Variants in AGO2 observed in about 807,000 individuals in gnomAD.
AGO2 encodes argonaute RISC catalytic component 2, also known as protein argonaute-2.
A neutral mutation model predicts 102.3 loss-of-function variants in AGO2; 5 were observed. The observed-to-expected ratio is 0.05, with a 90% CI of 0.03 to 0.10. The LOEUF (loss-of-function observed/expected upper bound fraction) is 0.10. AGO2 is among the 10% of genes least tolerant of loss of function. The pLI is 1.00. For synonymous variants in AGO2, 449 were observed against 473.1 expected, an observed-to-expected ratio of 0.95 and a Z score of 0.66; for missense variants, 541 against 1,183.7, an observed-to-expected ratio of 0.46 and a Z score of 7.97.
intron 17 of AGO2, 99 bp downstream of exon 17, chr8:140,535,369 C>G: frequency 7.6e-7 from 1 of 1,309,842 alleles, no homozygotes; most frequent in South Asian, 1.2e-5. Context: ...GCCCCTCACA[C>G]CACATCCCAC....
In AGO2 at chr8:140,520,223, T is replaced by C. The variant is rs1453950441; in HGVS notation, c.*11821A>G. 6.6e-6 allele frequency: 1 copy of C among 152,200 alleles called. No homozygotes were observed. The highest frequency in any genetic ancestry group is 6.5e-5 in the Admixed American group (1 of 15,286). 9.4% of individuals were successfully genotyped at this position (152,200 alleles called of 1,614,324 possible). Reference sequence around the variant, plus strand: ...ATGAGGCAAAACAAAATTGACACCATACAAAATAACTTTATAAAATATCAT... The same window carrying C: ...ATGAGGCAAAACAAAATTGACACCACACAAAATAACTTTATAAAATATCAT... On this transcript the variant is annotated 3_prime_UTR_variant, in exon 19 of 19. Transcript: ENST00000220592.
At chr8:140,629,091 A>C (rs2074309961) in intron 1 of AGO2, among the ~76,000 whole-genome samples, 1 of 152,072 alleles carries the variant, frequency 6.6e-6, no homozygotes, top group African/African-American at 2.4e-5. Flanking sequence ...ACTCTGTCTC[A>C]AAATAAATAA....
upstream of AGO2, chr8:140,636,777 T>C (rs868602204): frequency 6.6e-6 from 1 of 152,322 alleles, no homozygotes; most frequent in Middle Eastern, 3.4e-3. Flanking sequence ...TCCTGAAATG[T>C]GTAGTAATGA....
rs2072506750 is a variant in AGO2, at chr8:140,526,406, T to C, written c.*5638A>G. The C allele has an allele frequency of 6.6e-6, 1 of 152,202 alleles. No homozygotes were observed. 9.4% of individuals were successfully genotyped at this position (152,202 alleles called of 1,614,324 possible). A position where few individuals can be genotyped will look rare whatever the true frequency, so the allele number is the denominator to read the frequency against. On this transcript the variant is annotated 3_prime_UTR_variant, in exon 19 of 19. Coordinates refer to ENST00000220592, the MANE Select transcript of AGO2 (RefSeq NM_012154.5). The surrounding 1 kb of genome is among the most constrained non-coding windows in gnomAD (Gnocchi z 5.2). Reference sequence around the variant, plus strand: ...GCAGAGAACCCTCCCATGCCATTCGTGCCGGCCGTAGAATCCTAGAATCTC... The same window carrying C: ...GCAGAGAACCCTCCCATGCCATTCGCGCCGGCCGTAGAATCCTAGAATCTC...
chr8:140,563,879 G>A (rs1034244782), intron 3 of AGO2, among the ~76,000 whole-genome samples: 4 of 152,176 alleles, frequency 2.6e-5, no homozygotes, highest in African/African-American at 7.2e-5. Flanking sequence ...CATCCTTGTC[G>A]CCCAGGGCCT....
At chr8:140,634,827 T>C (rs2074383527) in intron 1 of AGO2, among the ~76,000 whole-genome samples, 1 of 152,104 alleles carries the variant, frequency 6.6e-6, no homozygotes, top group Non-Finnish European at 1.5e-5. Context: ...GCGACAGCCC[T>C]AACTACAGGA....
In AGO2 at chr8:140,526,509, G is replaced by A. The variant is rs892088706; in HGVS notation, c.*5535C>T. On this transcript the variant is annotated 3_prime_UTR_variant, in exon 19 of 19. Transcript: ENST00000220592. This position sits in a 1 kb window ranked among gnomAD's most constrained non-coding sequence, Gnocchi z 5.2. ...AGGGGCTGCCCGTGGGTCACAGTATGGCACACACATTTTCAAGCCAGAACT... is the reference window on the plus strand; with the variant it reads ...AGGGGCTGCCCGTGGGTCACAGTATAGCACACACATTTTCAAGCCAGAACT... The A allele has an allele frequency of 6.6e-6, 1 of 152,182 alleles. No individual in the cohort carries two copies. The allele number at this position is 152,182 out of a possible 1,614,324, so 9.4% of individuals were successfully genotyped here. A position where few individuals can be genotyped will look rare whatever the true frequency, so the allele number is the denominator to read the frequency against.
Position 140,529,185 on chromosome 8 carries a change from CA to C in AGO2, c.*2858del, listed in dbSNP as rs1159009279. 2 of 152,200 alleles carry C rather than the reference CA, an allele frequency of 1.3e-5. No homozygotes were observed. Among genetic ancestry groups the C allele is most frequent in the Admixed American group, 6.5e-5 (1 of 15,286 alleles). 9.4% of individuals were successfully genotyped at this position (152,200 alleles called of 1,614,324 possible). ...GGCACCCCTCAAATCTTGACAGGCC[CA>C]GGGGGGCAGCAGTGGACAGGGAAGG... On this transcript the variant is annotated 3_prime_UTR_variant, in exon 19 of 19. Transcript: ENST00000220592.
At position 140,531,989 on chromosome 8, in the gene AGO2, T is replaced by C. The variant is rs1268604381; in HGVS notation, c.*55A>G. On this transcript the variant is annotated 3_prime_UTR_variant, in exon 19 of 19. Coordinates refer to ENST00000220592, the MANE Select transcript of AGO2 (RefSeq NM_012154.5). ...AGGGCTGGCCATCTGTTGGTCTGAG[T>C]GTAGCTGGTCTCGTGAATCCCACTC... The C allele has an allele frequency of 6.7e-7, 1 of 1,492,220 alleles. No homozygotes were observed. Among genetic ancestry groups the C allele is most frequent in the African/African-American group, 1.4e-5 (1 of 72,488 alleles). The allele number at this position is 1,492,220 out of a possible 1,614,324, so 92.4% of individuals were successfully genotyped here.
At chr8:140,619,747 C>G (rs896013614) in intron 1 of AGO2, among the ~76,000 whole-genome samples, 1 of 152,156 alleles carries the variant, frequency 6.6e-6, no homozygotes, top group East Asian at 1.9e-4. Context: ...TAGGTTTCAA[C>G]GAATAAGCAA....
chr8:140,595,003 G>C (rs1297025915), intron 1 of AGO2, among the ~76,000 whole-genome samples: 1 of 152,202 alleles, frequency 6.6e-6, no homozygotes, highest in Admixed American at 6.5e-5. Flanking sequence ...ACTGGATAGT[G>C]CATGAGAAAA....
intron 4 of AGO2, among the ~76,000 whole-genome samples, chr8:140,562,064 G>C (rs2073210902): frequency 6.6e-6 from 1 of 152,192 alleles, no homozygotes; most frequent in African/African-American, 2.4e-5. Flanking sequence ...GTCACAAAAA[G>C]CAGCGGTGAT....
Position 140,635,633 on chromosome 8 carries a change from G to T in AGO2, c.-127C>A. 1.6e-6 allele frequency: 1 copy of T among 633,396 alleles called. No homozygotes were observed. 39.2% of individuals were successfully genotyped at this position (633,396 alleles called of 1,614,324 possible). On this transcript the variant is annotated 5_prime_UTR_variant, in exon 1 of 19. In the 5' UTR this introduces an upstream ATG that the reference lacks. Coordinates refer to ENST00000220592, the MANE Select transcript of AGO2 (RefSeq NM_012154.5). Reference sequence around the variant, plus strand: ...CCCGGCGCGGCCGCCTCGCCAAACAGGTTTACCCGACGCGGCCGGGGCGGC... The same window carrying T: ...CCCGGCGCGGCCGCCTCGCCAAACATGTTTACCCGACGCGGCCGGGGCGGC...
chr8:140,549,371 CA>C, intron 11 of AGO2, 73 bp from the exon 12 acceptor site: 1 of 1,444,524 alleles, frequency 6.9e-7, no homozygotes. Context: ...GAGGCTCTAA[CA>C]CAAGGGCGTC....
chr8:140,594,599 G>A (rs999509256), intron 1 of AGO2, among the ~76,000 whole-genome samples: 1 of 151,520 alleles, frequency 6.6e-6, no homozygotes, highest in Non-Finnish European at 1.5e-5. Context: ...ACTAGCCTGG[G>A]AAACATGGCA....
At chr8:140,545,615 C>T (rs1230505319) in intron 13 of AGO2, among the ~76,000 whole-genome samples, 1 of 152,194 alleles carries the variant, frequency 6.6e-6, no homozygotes, top group Non-Finnish European at 1.5e-5. Flanking sequence ...TTCATCCACG[C>T]CCAGTGCTCA....
At chr8:140,615,173 C>T (rs1040671157) in intron 1 of AGO2, among the ~76,000 whole-genome samples, 1 of 152,146 alleles carries the variant, frequency 6.6e-6, no homozygotes, top group Non-Finnish European at 1.5e-5. Context: ...ATCCCTTGTG[C>T]CCAGGAAGTC....
intron 6 of AGO2, 82 bp from the exon 7 acceptor site, chr8:140,558,654 A>G: frequency 6.8e-7 from 1 of 1,472,346 alleles, no homozygotes; most frequent in East Asian, 2.3e-5. Flanking sequence ...CAGTTTTCAT[A>G]GGAATGTGGC....
intron 2 of AGO2, among the ~76,000 whole-genome samples, chr8:140,574,483 C>T (rs575783138): frequency 1.1e-3 from 172 of 152,110 alleles, no homozygotes; most frequent in African/African-American, 4.0e-3. Context: ...AGGCTGGTCT[C>T]GAACTCCTGG....
Sources: allele counts gnomAD v4.1 joint callset (sites outside exome capture counted in the v4.1 genomes callset), GRCh38; gene constraint gnomAD v4.1.1; non-coding constraint Gnocchi (gnomAD v3.1); transcripts MANE v1.5; gene names NCBI Gene and HGNC (gene_info 2026-07-23, HGNC 2026-07-21).